Variants in AK5 observed in about 807,000 individuals in gnomAD.
AK5 encodes adenylate kinase 5.
A neutral mutation model predicts 69.5 loss-of-function variants in AK5; 27 were observed. The ratio of observed to expected loss-of-function variants is 0.39; its 90% CI spans 0.29 to 0.54. AK5 has a LOEUF of 0.54. Ranked by LOEUF, AK5 falls within the 20% of genes least tolerant of loss-of-function variation. The probability of loss-of-function intolerance (pLI) is 0.71; values close to 1 mark genes in which losing one functional copy is unlikely to be tolerated. For missense variants in AK5, 531 were observed against 700.4 expected (o/e 0.76, Z 2.73); for synonymous variants, 260 against 244.4 (o/e 1.06, Z -0.60).
In AK5 at chr1:77,309,063, A is replaced by G. The variant is rs544525046; in HGVS notation, c.699+11116A>G. 1.5e-3 allele frequency among the ~76,000 whole-genome samples: 215 copies of G among 143,210 alleles called. 2 individuals carry two copies. The South Asian group carries it at 0.02, about 14-fold the overall frequency. 94.0% of individuals were successfully genotyped at this position (143,210 alleles called of 152,430 possible). On this transcript the variant is annotated intron_variant, in intron 5 of 13. Coordinates refer to ENST00000354567, the MANE Select transcript of AK5 (RefSeq NM_174858.3). ...AGACACAGGAAGAGGACCAGCATAC[A>G]CTGGGGCCTGCAGGGTGGTGGGGTC...
At chr1:77,425,853 G>C (rs1395700878) in intron 8 of AK5, among the ~76,000 whole-genome samples, 2 of 152,148 alleles carry the variant, frequency 1.3e-5, no homozygotes, top group Non-Finnish European at 2.9e-5. Flanking sequence ...GGAATGTTTT[G>C]TTATTACAAG....
At chr1:77,528,797 C>A (rs1658420259) in intron 12 of AK5, among the ~76,000 whole-genome samples, 1 of 152,186 alleles carries the variant, frequency 6.6e-6, no homozygotes, top group Non-Finnish European at 1.5e-5. Context: ...CAGCTGAGAA[C>A]CCCTGGTTAT....
chr1:77,304,453 T>C (rs1309844690), intron 5 of AK5, among the ~76,000 whole-genome samples: 4 of 151,206 alleles, frequency 2.6e-5, no homozygotes, highest in East Asian at 3.9e-4. Context: ...TTGCCCAGGC[T>C]GGAATGCAAT....
At chr1:77,381,963 T>G (rs530175036) in intron 6 of AK5, among the ~76,000 whole-genome samples, 1 of 152,280 alleles carries the variant, frequency 6.6e-6, no homozygotes, top group East Asian at 1.9e-4. Context: ...TCCTCCGCCA[T>G]GCACATGCCA....
intron 6 of AK5, among the ~76,000 whole-genome samples, chr1:77,394,920 TC>T (rs1216458512): frequency 6.6e-6 from 1 of 152,122 alleles, no homozygotes; most frequent in African/African-American, 2.4e-5. Flanking sequence ...TAATTGTAAC[TC>T]ACATAGCTTT....
At position 77,525,956 on chromosome 1, in the gene AK5, TA is replaced by T. The variant is rs370414299; in HGVS notation, c.1428+4017del. Among the ~76,000 whole-genome samples, 56 of 152,324 alleles carry T rather than the reference TA, an allele frequency of 3.7e-4. No homozygotes were observed. The South Asian group carries it at 5.6e-3, about 15-fold the overall frequency. On this transcript the variant is annotated intron_variant, in intron 12 of 13. Transcript: ENST00000354567. ...GGCCTCTTGAGATTCTATATGGTTT[TA>T]AAATGATGTTTCTATTCCTGGAAAA...
At chr1:77,373,244 C>T (rs1224928525) in intron 6 of AK5, among the ~76,000 whole-genome samples, 1 of 152,170 alleles carries the variant, frequency 6.6e-6, no homozygotes, top group Non-Finnish European at 1.5e-5. Context: ...GAGGCATAGA[C>T]TTCAAAGATG....
At chr1:77,428,595 CT>C (rs58114645) in intron 8 of AK5, among the ~76,000 whole-genome samples, 6 of 150,138 alleles carry the variant, frequency 4.0e-5, no homozygotes, top group Admixed American at 2.0e-4. Flanking sequence ...TATCCAAGTT[CT>C]TTTTTTTTTA....
At chr1:77,536,366 A>AT (rs1435293076) in intron 13 of AK5, among the ~76,000 whole-genome samples, 4 of 152,146 alleles carry the variant, frequency 2.6e-5, no homozygotes, top group African/African-American at 9.7e-5. Flanking sequence ...ACGTGGGAGG[A>AT]TTGCTTGAGC....
intron 11 of AK5, among the ~76,000 whole-genome samples, chr1:77,519,887 TC>T (rs1657885526): frequency 6.6e-6 from 1 of 152,152 alleles, no homozygotes; most frequent in Non-Finnish European, 1.5e-5. Flanking sequence ...TGTACTGACC[TC>T]CTATCTCATC....
chr1:77,527,048 T>C (rs1054402853), intron 12 of AK5, among the ~76,000 whole-genome samples: 1 of 152,182 alleles, frequency 6.6e-6, no homozygotes, highest in African/African-American at 2.4e-5. Context: ...TAAAAGCATG[T>C]CACTCGTGTA....
intron 6 of AK5, among the ~76,000 whole-genome samples, chr1:77,352,947 A>G (rs1367216948): frequency 1.3e-5 from 2 of 152,186 alleles, no homozygotes. Flanking sequence ...TATGTTTGCA[A>G]ATTGAGCAAA....
Position 77,283,359 on chromosome 1 carries a change from A to T in AK5, c.60+986A>T, listed in dbSNP as rs1349339122. 6.1e-6 allele frequency: 6 copies of T among 985,456 alleles called. No homozygotes were observed. In the East Asian group the frequency reaches 6.8e-4, roughly 112 times the overall value. 61.0% of individuals were successfully genotyped at this position (985,456 alleles called of 1,614,324 possible). A position where few individuals can be genotyped will look rare whatever the true frequency, so the allele number is the denominator to read the frequency against. ...AAGCGAGCTCTGAAAGGAGAAATCC[A>T]TTCACTGCAAACCTCGTTCCCCATT... On this transcript the variant is annotated intron_variant, in intron 1 of 13. Coordinates refer to ENST00000354567, the MANE Select transcript of AK5 (RefSeq NM_174858.3).
rs551052716 is a variant in AK5, at chr1:77,518,643, G to A, written c.1227G>A (p.Glu409=). 1.9e-6 allele frequency: 3 copies of A among 1,614,194 alleles called. No homozygotes were observed. In the South Asian group the frequency reaches 3.3e-5, roughly 18 times the overall value. ...KYGFTHLSTG[E]LLREELASES... is the part of the protein sequence containing the mutation. ...GATTTACACATCTCTCAACTGGCGA[G>A]CTCCTGCGTGAGGAACTGGCATCAG... is the stretch of plus-strand genomic sequence containing the variant. Residue 409 remains glutamate, a synonymous_variant, in exon 11 of 14, where the codon GAG becomes GAA. Transcript: ENST00000354567.
intron 5 of AK5, among the ~76,000 whole-genome samples, chr1:77,319,982 T>C (rs1660442377): frequency 6.6e-6 from 1 of 152,226 alleles, no homozygotes; most frequent in Non-Finnish European, 1.5e-5. Flanking sequence ...CATGCTACTA[T>C]GCAGAAATAC....
chr1:77,304,234 T>C (rs1291060431), intron 5 of AK5, among the ~76,000 whole-genome samples: 1 of 152,126 alleles, frequency 6.6e-6, no homozygotes, highest in Non-Finnish European at 1.5e-5. Flanking sequence ...TTCAATTGTT[T>C]TGATTTTTAG....
At chr1:77,343,551 T>G (rs1661765867) in intron 6 of AK5, among the ~76,000 whole-genome samples, 1 of 152,184 alleles carries the variant, frequency 6.6e-6, no homozygotes, top group African/African-American at 2.4e-5. Flanking sequence ...TGTTTTAAGA[T>G]GCTCCATGCA....
intron 5 of AK5, among the ~76,000 whole-genome samples, chr1:77,309,715 G>C (rs1425977526): frequency 6.6e-6 from 1 of 152,044 alleles, no homozygotes; most frequent in Non-Finnish European, 1.5e-5. Flanking sequence ...CAAATTACTA[G>C]TGAACTGAAA....
At chr1:77,384,903 G>A (rs1298006764) in intron 6 of AK5, among the ~76,000 whole-genome samples, 5 of 152,194 alleles carry the variant, frequency 3.3e-5, no homozygotes, top group Admixed American at 3.3e-4. Flanking sequence ...TAGTCGTGGA[G>A]TGAGAGGCAG....
Sources: gnomAD v4.1 joint callset for allele counts (sites outside exome capture counted in the v4.1 genomes callset) on GRCh38, gnomAD v4.1.1 for gene constraint, MANE v1.5 for transcripts, NCBI Gene and HGNC (gene_info 2026-07-23, HGNC 2026-07-21) for gene names.